Variants in BCAS3 observed in about 807,000 individuals in gnomAD.
The protein encoded by BCAS3 is BCAS3 microtubule associated cell migration factor, also known as BCAS4/BCAS3 fusion.
BCAS3 carries 53 observed loss-of-function variants against 116.1 expected under a neutral mutation model. The observed-to-expected ratio is 0.46, with a 90% CI of 0.37 to 0.57. The LOEUF (loss-of-function observed/expected upper bound fraction) is 0.57, where lower values mean the gene tolerates loss of function less well. Among genes scored for constraint, BCAS3 ranks in the 20% least tolerant of loss-of-function variants. The pLI is 0.00. For synonymous variants in BCAS3, 391 were observed against 408.2 expected, an observed-to-expected ratio of 0.96 and a Z score of 0.51; for missense variants, 917 against 1,165.4, an observed-to-expected ratio of 0.79 and a Z score of 3.10.
In BCAS3 at chr17:61,205,664, A is replaced by G. The variant is rs2081078009; in HGVS notation, c.2425+121100A>G. ...GGTCTGGAGTGAAGCAGAGCAGGAG[A>G]AAGGGCTCCTCATCAGAGGATATGC... On this transcript the variant is annotated intron_variant, in intron 22 of 23. Coordinates refer to ENST00000407086, the MANE Select transcript of BCAS3 (RefSeq NM_017679.5). The surrounding 1 kb of genome is among the most constrained non-coding windows in gnomAD (Gnocchi z 5.2). 6.6e-6 allele frequency among the ~76,000 whole-genome samples: 1 copy of G among 152,170 alleles called. No individual in the cohort carries two copies. Among genetic ancestry groups the G allele is most frequent in the Non-Finnish European group, 1.5e-5 (1 of 68,024 alleles).
intron 7 of BCAS3, among the ~76,000 whole-genome samples, chr17:60,856,090 G>A (rs1030237510): frequency 2.0e-5 from 3 of 152,144 alleles, no homozygotes; most frequent in African/African-American, 4.8e-5. Context: ...GGCCATGTCC[G>A]AGGTCAGCTG....
chr17:60,961,800 A>G lies in BCAS3; in HGVS notation c.1221+14448A>G, dbSNP rs1397546701. 6.6e-6 allele frequency among the ~76,000 whole-genome samples: 1 copy of G among 151,334 alleles called. No homozygotes were observed. Among genetic ancestry groups the G allele is most frequent in the Non-Finnish European group, 1.5e-5 (1 of 67,886 alleles). ...GCTTTTTTTTTTTCACATCAGATGG[A>G]TAATGTGCTGACATTGTAACGAGGC... On this transcript the variant is annotated intron_variant, in intron 14 of 23. Transcript: ENST00000407086. The surrounding 1 kb of genome is among the most constrained non-coding windows in gnomAD (Gnocchi z 4.8).
At chr17:61,185,941 C>CTAAGAAAATACAAAATA (rs764325382) in intron 22 of BCAS3, among the ~76,000 whole-genome samples, 1 of 152,074 alleles carries the variant, frequency 6.6e-6, no homozygotes. Flanking sequence ...AAAATACTGA[C>CTAAGAAAATACAAAATA]TAAGAAAATA....
intron 14 of BCAS3, among the ~76,000 whole-genome samples, chr17:60,953,735 A>ATT (rs536582159): frequency 0.21 from 28,830 of 137,554 alleles, 3,733 homozygotes; most frequent in African/African-American, 0.37. Context: ...TCTTGAGTTG[A>ATT]TTTTTTTTTT....
intron 14 of BCAS3, chr17:60,980,726 G>A (rs1291189269): frequency 5.3e-5 from 8 of 152,108 alleles, no homozygotes; most frequent in Admixed American, 4.6e-4. Context: ...TGCAGAGACA[G>A]GGTTTCACCA....
intron 19 of BCAS3, among the ~76,000 whole-genome samples, chr17:61,047,803 C>T (rs769777353): frequency 7.9e-5 from 12 of 152,088 alleles, no homozygotes; most frequent in Non-Finnish European, 1.6e-4. Flanking sequence ...CTTAGGAAAG[C>T]CTTATTTAAG....
chr17:61,304,602 G>A (rs2053690984), intron 22 of BCAS3, among the ~76,000 whole-genome samples: 2 of 152,188 alleles, frequency 1.3e-5, no homozygotes, highest in Non-Finnish European at 2.9e-5. Flanking sequence ...AGGGAGGAAA[G>A]AGGAAGGGTT....
Position 61,028,196 on chromosome 17 carries a change from A to G in BCAS3, c.1638-6470A>G, listed in dbSNP as rs2066396164. Among the ~76,000 whole-genome samples the G allele has an allele frequency of 6.6e-6, 1 of 151,868 alleles. No individual in the cohort carries two copies. Among genetic ancestry groups the G allele is most frequent in the South Asian group, 2.1e-4 (1 of 4,828 alleles). On this transcript the variant is annotated intron_variant, in intron 16 of 23. Coordinates refer to ENST00000407086, the MANE Select transcript of BCAS3 (RefSeq NM_017679.5). The surrounding 1 kb of genome is among the most constrained non-coding windows in gnomAD (Gnocchi z 4.3). ...TTGACACAAACTTATTTCAATGTTT[A>G]TATGCCATAGGAAGATCTGAAAATT...
At position 61,353,797 on chromosome 17, in the gene BCAS3, G is replaced by A. The variant is rs573857594; in HGVS notation, c.2426-14530G>A. 1.1e-4 allele frequency: 17 copies of A among 152,404 alleles called. No individual in the cohort carries two copies. In the East Asian group the frequency reaches 1.7e-3, roughly 16 times the overall value. 9.4% of individuals were successfully genotyped at this position (152,404 alleles called of 1,614,324 possible). Reference sequence around the variant, plus strand: ...GTCAGGCGGACCGGCCAAGGCTGGCGAGGGCTGAACAGATGCTCTGACATG... The same window carrying A: ...GTCAGGCGGACCGGCCAAGGCTGGCAAGGGCTGAACAGATGCTCTGACATG... On this transcript the variant is annotated intron_variant, in intron 22 of 23. Transcript: ENST00000407086.
chr17:61,242,276 CAAA>C (rs372656421), intron 22 of BCAS3, among the ~76,000 whole-genome samples: 3 of 130,982 alleles, frequency 2.3e-5, no homozygotes, highest in Non-Finnish European at 3.2e-5. Flanking sequence ...AACTCTGTCT[CAAA>C]AAAAAAAAAA....
chr17:60,941,629 G>A (rs2060230147), intron 13 of BCAS3, among the ~76,000 whole-genome samples: 1 of 151,942 alleles, frequency 6.6e-6, no homozygotes, highest in Non-Finnish European at 1.5e-5. Flanking sequence ...ATGGAGGGGT[G>A]GAAAAAAGTG....
chr17:60,794,774 T>C (rs1007840685), intron 6 of BCAS3, among the ~76,000 whole-genome samples: 1 of 152,190 alleles, frequency 6.6e-6, no homozygotes, highest in Admixed American at 6.5e-5. Context: ...TACCTATTTT[T>C]ATAAAGTACC....
At chr17:61,044,339 C>T (rs955871533) in intron 19 of BCAS3, among the ~76,000 whole-genome samples, 5 of 150,106 alleles carry the variant, frequency 3.3e-5, no homozygotes, top group South Asian at 2.1e-4. Flanking sequence ...CCCAGCAACT[C>T]GGGAGGCTGA....
At chr17:61,234,780 C>T (rs1192119516) in intron 22 of BCAS3, among the ~76,000 whole-genome samples, 1 of 40,552 alleles carries the variant, frequency 2.5e-5, no homozygotes, top group Non-Finnish European at 5.9e-5. Flanking sequence ...CAGGCTTTTT[C>T]CAGAAAAAAA....
In BCAS3 at chr17:61,198,164, G is replaced by A. The variant is rs190715150; in HGVS notation, c.2425+113600G>A. Among the ~76,000 whole-genome samples, 1,308 of 147,636 alleles carry A rather than the reference G, an allele frequency of 8.9e-3. 10 individuals carry two copies. The highest frequency in any genetic ancestry group is 0.013 in the Non-Finnish European group (874 of 67,278). The stretch of plus-strand genomic sequence containing the variant: ...TTTTTTCTTTTTTTTTTTTTGAGAC[G>A]GAGTCTCACTCTGTCCCCCAGGCTG... On this transcript the variant is annotated intron_variant, in intron 22 of 23. Coordinates refer to ENST00000407086, the MANE Select transcript of BCAS3 (RefSeq NM_017679.5). The surrounding 1 kb of genome is among the most constrained non-coding windows in gnomAD (Gnocchi z 5.0).
intron 22 of BCAS3, among the ~76,000 whole-genome samples, chr17:61,169,835 C>T (rs1328093608): frequency 1.3e-5 from 2 of 152,118 alleles, no homozygotes; most frequent in African/African-American, 2.4e-5. Flanking sequence ...GTTGATTTTT[C>T]TGAAAATGAA....
chr17:61,132,229 A>T lies in BCAS3; in HGVS notation c.2425+47665A>T, dbSNP rs925469728. 3.3e-5 allele frequency among the ~76,000 whole-genome samples: 5 copies of T among 152,230 alleles called. No homozygotes were observed. Among genetic ancestry groups the T allele is most frequent in the Non-Finnish European group, 7.3e-5 (5 of 68,042 alleles). ...CCTTCTTCTTATTTTTACAAGACAG[A>T]ATGCCAGCAGAAAAAAACAAATTCC... On this transcript the variant is annotated intron_variant, in intron 22 of 23. Coordinates refer to ENST00000407086, the MANE Select transcript of BCAS3 (RefSeq NM_017679.5). The surrounding 1 kb of genome is among the most constrained non-coding windows in gnomAD (Gnocchi z 5.1).
intron 22 of BCAS3, among the ~76,000 whole-genome samples, chr17:61,296,727 CA>C (rs1418464827): frequency 2.6e-5 from 4 of 152,204 alleles, no homozygotes; most frequent in African/African-American, 9.6e-5. Context: ...TTGACTAAAC[CA>C]AGTCTTGAAG....
intron 6 of BCAS3, among the ~76,000 whole-genome samples, chr17:60,794,902 AT>A (rs2047080931): frequency 6.6e-6 from 1 of 152,152 alleles, no homozygotes; most frequent in East Asian, 1.9e-4. Flanking sequence ...TTTTGGTTCC[AT>A]ATGAATTTTA....
Sources: gnomAD v4.1 joint callset for allele counts (sites outside exome capture counted in the v4.1 genomes callset) on GRCh38, gnomAD v4.1.1 for gene constraint, Gnocchi (gnomAD v3.1) non-coding constraint, MANE v1.5 for transcripts, NCBI Gene and HGNC (gene_info 2026-07-23, HGNC 2026-07-21) for gene names.